The following SPAG9 variants were observed in gnomAD, a reference collection of about 807,000 sequenced individuals.
SPAG9 encodes the protein C-Jun-amino-terminal kinase-interacting protein 4.
A neutral mutation model predicts 166.5 loss-of-function variants in SPAG9; 35 were observed. The observed-to-expected ratio is 0.21, with a 90% confidence interval of 0.16 to 0.28. The LOEUF (loss-of-function observed/expected upper bound fraction) is 0.28, where lower values mean the gene tolerates loss of function less well. SPAG9 is among the 10% of genes least tolerant of loss of function. The probability of loss-of-function intolerance (pLI) is 1.00; values close to 1 mark genes in which losing one functional copy is unlikely to be tolerated. For missense variants in SPAG9, 1,235 were observed against 1,603.3 expected (o/e 0.77, Z 3.92); for synonymous variants, 534 against 565.5 (o/e 0.94, Z 0.79).
intron 28 of SPAG9, among the ~76,000 whole-genome samples, chr17:50,972,744 T>C (rs1377313743): frequency 6.6e-6 from 1 of 152,368 alleles, no homozygotes; most frequent in South Asian, 2.1e-4. Context: ...CAGGGATTCA[T>C]TCATGCATTA....
intron 1 of SPAG9, among the ~76,000 whole-genome samples, chr17:51,080,459 C>T (rs2048129141): frequency 6.6e-6 from 1 of 152,218 alleles, no homozygotes; most frequent in South Asian, 2.1e-4. Context: ...CCCTAGTGAT[C>T]GCGTCCAGTT....
At chr17:51,004,836 C>T (rs2045130496) in intron 12 of SPAG9, among the ~76,000 whole-genome samples, 1 of 152,136 alleles carries the variant, frequency 6.6e-6, no homozygotes, top group Non-Finnish European at 1.5e-5. Context: ...TACTAAAGTT[C>T]TAGACTTCAT....
chr17:51,095,150 A>T (rs2048574758), intron 1 of SPAG9, among the ~76,000 whole-genome samples: 1 of 151,850 alleles, frequency 6.6e-6, no homozygotes, highest in African/African-American at 2.4e-5. Context: ...AAAAAAAATT[A>T]GCCGGGCGTG....
chr17:51,090,357 C>T (rs917427241), intron 1 of SPAG9, among the ~76,000 whole-genome samples: 5 of 152,064 alleles, frequency 3.3e-5, no homozygotes, highest in African/African-American at 1.2e-4. Context: ...CCCATCTCTA[C>T]TAAAAATACA....
intron 22 of SPAG9, among the ~76,000 whole-genome samples, chr17:50,986,713 A>G (rs868527643): frequency 6.6e-6 from 1 of 152,206 alleles, no homozygotes; most frequent in Non-Finnish European, 1.5e-5. Flanking sequence ...AAATTCACTA[A>G]AAGTTGGGAT....
At chr17:50,997,040 T>C (rs1215115345) in intron 15 of SPAG9, among the ~76,000 whole-genome samples, 1 of 152,244 alleles carries the variant, frequency 6.6e-6, no homozygotes, top group Non-Finnish European at 1.5e-5. Context: ...CTTGGGAGGC[T>C]GAGGCAGGAG....
chr17:51,087,444 G>GTA (rs1175698520), intron 1 of SPAG9, among the ~76,000 whole-genome samples: 6 of 152,210 alleles, frequency 3.9e-5, no homozygotes, highest in Admixed American at 3.3e-4. Context: ...CGTGGTCCTA[G>GTA]TAAGAGTCCT....
chr17:51,013,507 GTGT>G, intron 9 of SPAG9, among the ~76,000 whole-genome samples: 1 of 152,266 alleles, frequency 6.6e-6, no homozygotes, highest in South Asian at 2.1e-4. Flanking sequence ...GGTGGTGTCT[GTGT>G]TCCAATAAAA....
At chr17:51,005,154 T>C (rs2045149700) in intron 12 of SPAG9, 58 bp downstream of exon 12, 2 of 1,449,562 alleles carry the variant, frequency 1.4e-6, no homozygotes, top group South Asian at 1.2e-5. Context: ...TAGGAAGATC[T>C]TCCCGAAACA....
At chr17:51,089,162 G>T (rs2048380259) in intron 1 of SPAG9, among the ~76,000 whole-genome samples, 1 of 151,700 alleles carries the variant, frequency 6.6e-6, no homozygotes, top group Non-Finnish European at 1.5e-5. Context: ...GGTGGCTCAT[G>T]CCTGTAATCC....
At chr17:51,013,212 CAATA>C (rs938281802) in intron 9 of SPAG9, among the ~76,000 whole-genome samples, 6 of 152,184 alleles carry the variant, frequency 3.9e-5, no homozygotes, top group Middle Eastern at 3.4e-3. Context: ...ATAATTATAC[CAATA>C]GATACAAATT....
intron 6 of SPAG9, among the ~76,000 whole-genome samples, chr17:51,025,229 G>C (rs763413355): frequency 7.2e-6 from 1 of 137,962 alleles, no homozygotes; most frequent in Non-Finnish European, 1.5e-5. Context: ...TGAGGCAGAG[G>C]AATCATTGAA....
At chr17:51,079,059 A>G (rs1753549477) in intron 2 of SPAG9, among the ~76,000 whole-genome samples, 2 of 152,310 alleles carry the variant, frequency 1.3e-5, no homozygotes, top group South Asian at 2.1e-4. Flanking sequence ...TCTGATCGAT[A>G]TATCTGGTTT....
At chr17:51,071,147 G>C (rs1388010969) in intron 2 of SPAG9, among the ~76,000 whole-genome samples, 1 of 152,010 alleles carries the variant, frequency 6.6e-6, no homozygotes, top group African/African-American at 2.4e-5. Flanking sequence ...TACCTAGGCA[G>C]AATGCTAGGC....
chr17:51,012,699 CTT>C (rs1863893195), intron 9 of SPAG9, among the ~76,000 whole-genome samples: 1 of 151,660 alleles, frequency 6.6e-6, no homozygotes, highest in Admixed American at 6.6e-5. Context: ...ACTTAAAATA[CTT>C]TCAATCTCTC....
Position 51,011,947 on chromosome 17 carries a change from G to T in SPAG9, c.1213+2285C>A, listed in dbSNP as rs148053974. Among the ~76,000 whole-genome samples the T allele has an allele frequency of 2.1e-4, 32 of 152,288 alleles. No homozygotes were observed. The East Asian group carries it at 5.6e-3, about 27-fold the overall frequency. Reference sequence around the variant, plus strand: ...TCTAAATACTTCATAAGAAAAGAAAGTTTGGGGCCACCAACCTTAAACATT... The same window carrying T: ...TCTAAATACTTCATAAGAAAAGAAATTTTGGGGCCACCAACCTTAAACATT... On this transcript the variant is annotated intron_variant, in intron 9 of 29. Coordinates refer to ENST00000262013, the MANE Select transcript of SPAG9 (RefSeq NM_001130528.3).
intron 1 of SPAG9, among the ~76,000 whole-genome samples, chr17:51,117,993 T>C (rs1450918048): frequency 6.6e-6 from 1 of 150,556 alleles, no homozygotes; most frequent in African/African-American, 2.4e-5. Context: ...TATATATACA[T>C]ATTAGCTGGG....
chr17:51,031,733 G>C lies in SPAG9; in HGVS notation c.742-11C>G. On this transcript the variant is annotated splice_polypyrimidine_tract_variant and intron_variant, in intron 5 of 29. Transcript: ENST00000262013. The stretch of plus-strand genomic sequence containing the variant: ...AGGACTATTGCTGACCTAGGAAGAG[G>C]GAAGATTATAAAAGAGAAAAAAATT... 6.5e-7 allele frequency: 1 copy of C among 1,548,616 alleles called. No homozygotes were observed. Among genetic ancestry groups the C allele is most frequent in the Non-Finnish European group, 8.7e-7 (1 of 1,144,582 alleles).
intron 22 of SPAG9, 46 bp from the exon 23 acceptor site, chr17:50,985,824 A>T: frequency 9.3e-7 from 1 of 1,070,864 alleles, no homozygotes; most frequent in Non-Finnish European, 1.4e-6. Context: ...GAACATCAAG[A>T]CATTGCATAT....
Sources: allele counts gnomAD v4.1 joint callset (sites outside exome capture counted in the v4.1 genomes callset), GRCh38; gene constraint gnomAD v4.1.1; transcripts MANE v1.5; gene names NCBI Gene and HGNC (gene_info 2026-07-23, HGNC 2026-07-21).